DDC: variants seen among roughly 807,000 people sequenced by gnomAD.
DDC encodes the protein aromatic-L-amino-acid decarboxylase.
Under a neutral mutation model 60.0 loss-of-function variants are expected in DDC, and 43 were observed. The ratio of observed to expected loss-of-function variants is 0.72; its 90% CI spans 0.56 to 0.92. The LOEUF is 0.92. Among genes scored for constraint, DDC ranks in the 40% least tolerant of loss-of-function variants. The pLI is 0.00. For missense variants in DDC, 573 were observed against 620.2 expected (o/e 0.92, Z 0.81); for synonymous variants, 232 against 234.6 (o/e 0.99, Z 0.10).
chr7:50,511,164 A>G (rs1179979653), intron 6 of DDC, among the ~76,000 whole-genome samples: 1 of 151,388 alleles, frequency 6.6e-6, no homozygotes, highest in African/African-American at 2.4e-5. Context: ...ACATACATAT[A>G]TGTACATATA....
intron 5 of DDC, among the ~76,000 whole-genome samples, chr7:50,528,602 T>TC (rs1414330557): frequency 6.6e-6 from 1 of 152,160 alleles, no homozygotes; most frequent in Admixed American, 6.5e-5. Context: ...GGAAAGTAGA[T>TC]CCCAGAGGTG....
intron 1 of DDC, among the ~76,000 whole-genome samples, chr7:50,553,600 C>A (rs561399524): frequency 6.7e-6 from 1 of 150,124 alleles, no homozygotes; most frequent in South Asian, 2.1e-4. Flanking sequence ...GATTCTCCTG[C>A]CTCAGCCTCC....
At chr7:50,478,752 C>T (rs112995398) in intron 10 of DDC, among the ~76,000 whole-genome samples, 5 of 152,186 alleles carry the variant, frequency 3.3e-5, no homozygotes, top group African/African-American at 1.2e-4. Flanking sequence ...AGATGTAAAA[C>T]TTCATGAGGT....
intron 1 of DDC, among the ~76,000 whole-genome samples, chr7:50,550,967 C>CTT (rs989356994): frequency 3.3e-5 from 5 of 152,208 alleles, no homozygotes; most frequent in Admixed American, 2.6e-4. Context: ...CAGCTATTAG[C>CTT]TTTTCCAAAT....
chr7:50,493,081 A>C (rs562809664), intron 9 of DDC: 2 of 1,244,294 alleles, frequency 1.6e-6, no homozygotes, highest in African/African-American at 1.5e-5. Flanking sequence ...TAGGGACCCA[A>C]AATATTTCTG....
chr7:50,503,264 C>A (rs1020798657), intron 7 of DDC, among the ~76,000 whole-genome samples: 1 of 152,352 alleles, frequency 6.6e-6, no homozygotes, highest in African/African-American at 2.4e-5. Context: ...AAAGGGGGAG[C>A]CCCCTGAGCC....
intron 1 of DDC, among the ~76,000 whole-genome samples, chr7:50,547,359 G>T (rs1414440060): frequency 6.6e-6 from 1 of 151,932 alleles, no homozygotes; most frequent in Admixed American, 6.6e-5. Context: ...TACAGGGCAT[G>T]GTGGCAGACA....
chr7:50,516,085 G>C (rs896421678), intron 6 of DDC, among the ~76,000 whole-genome samples: 1 of 152,008 alleles, frequency 6.6e-6, no homozygotes, highest in Non-Finnish European at 1.5e-5. Flanking sequence ...GACTTAACAG[G>C]TATATACAGA....
rs377528325 is a variant in DDC, at chr7:50,537,929, G to C, written c.366C>G (p.Leu122=). 3.7e-6 allele frequency: 6 copies of C among 1,613,838 alleles called. No individual in the cohort carries two copies. The highest frequency in any genetic ancestry group is 8.5e-7 in the Non-Finnish European group (1 of 1,179,972). ...TELETVMMDW[L]GKMLELPKAF... ...CCTTTGGTAGTTCCAGCATCTTCCC[G>C]AGCCAGTCCATCATCACAGTCTCCA... The change falls in exon 4 of 15, where the codon CTC becomes CTG. Residue 122 remains leucine, a synonymous_variant. Coordinates refer to ENST00000444124, the MANE Select transcript of DDC (RefSeq NM_001082971.2).
intron 1 of DDC, among the ~76,000 whole-genome samples, chr7:50,547,401 G>C (rs2044843589): frequency 6.6e-6 from 1 of 151,892 alleles, no homozygotes; most frequent in Non-Finnish European, 1.5e-5. Context: ...ATTTTTAGTA[G>C]AGACAGGATT....
At chr7:50,540,762 AG>A (rs2044603453) in intron 2 of DDC, among the ~76,000 whole-genome samples, 2 of 152,170 alleles carry the variant, frequency 1.3e-5, no homozygotes, top group Admixed American at 1.3e-4. Context: ...ACAGAGGAAA[AG>A]CTCATGTGGG....
intron 6 of DDC, among the ~76,000 whole-genome samples, chr7:50,518,974 C>A (rs1260666289): frequency 6.6e-6 from 1 of 152,140 alleles, no homozygotes; most frequent in Non-Finnish European, 1.5e-5. Context: ...GGGAGGAAAT[C>A]TTCACAATCT....
At chr7:50,512,705 T>C (rs1563017137) in intron 6 of DDC, among the ~76,000 whole-genome samples, 1 of 152,188 alleles carries the variant, frequency 6.6e-6, no homozygotes, top group Non-Finnish European at 1.5e-5. Flanking sequence ...GTGGTGGCCA[T>C]TGTTGTACAC....
intron 9 of DDC, chr7:50,492,903 C>CTGCGG: frequency 6.3e-7 from 1 of 1,595,272 alleles, no homozygotes; most frequent in South Asian, 1.1e-5. Context: ...GGCATCAGCT[C>CTGCGG]TGCGGCAGGC....
chr7:50,486,866 G>A (rs2042889882), intron 9 of DDC, among the ~76,000 whole-genome samples: 1 of 152,110 alleles, frequency 6.6e-6, no homozygotes, highest in Non-Finnish European at 1.5e-5. Flanking sequence ...ATCTCCACTG[G>A]TAACTACTCT....
chr7:50,522,389 A>G (rs1262129338), intron 6 of DDC, among the ~76,000 whole-genome samples: 1 of 152,224 alleles, frequency 6.6e-6, no homozygotes, highest in African/African-American at 2.4e-5. Flanking sequence ...AAAGTCCCAG[A>G]AAGTTATTTT....
intron 1 of DDC, among the ~76,000 whole-genome samples, chr7:50,546,290 C>T (rs926913411): frequency 6.6e-6 from 1 of 152,154 alleles, no homozygotes; most frequent in African/African-American, 2.4e-5. Flanking sequence ...TTACTCAAGA[C>T]CACTGCAATA....
rs147376916 is a variant in DDC at position 50,467,938 on chromosome 7, G to C, written c.1141-623C>G. Among the ~76,000 whole-genome samples, 511 of 152,324 alleles carry C rather than the reference G, an allele frequency of 3.4e-3. 6 individuals carry two copies. The highest frequency in any genetic ancestry group is 0.011 in the African/African-American group (474 of 41,576). On this transcript the variant is annotated intron_variant, in intron 12 of 14. Transcript: ENST00000444124. ...TGTCCGCTCTGTCACATTCAGAAAC[G>C]GCCTTCCTCTCATTGAATATCACAC...
intron 14 of DDC, among the ~76,000 whole-genome samples, chr7:50,462,559 T>C (rs1306615645): frequency 6.6e-6 from 1 of 152,202 alleles, no homozygotes; most frequent in Non-Finnish European, 1.5e-5. Context: ...TCCCTTTTTA[T>C]TGTTTTCATT....
Sources: gnomAD v4.1 joint callset for allele counts (sites outside exome capture counted in the v4.1 genomes callset) on GRCh38, gnomAD v4.1.1 for gene constraint, MANE v1.5 for transcripts, NCBI Gene and HGNC (gene_info 2026-07-23, HGNC 2026-07-21) for gene names.